The following RANBP2 variants were observed in gnomAD, a reference collection of about 807,000 sequenced individuals.
RANBP2 encodes the protein E3 SUMO-protein ligase RanBP2.
In RANBP2, 57 loss-of-function variants were observed where a neutral mutation model predicts 303.6. The ratio of observed to expected loss-of-function variants is 0.19; its 90% CI spans 0.15 to 0.23. The LOEUF is 0.23. Among genes scored for constraint, RANBP2 ranks in the 10% least tolerant of loss-of-function variants. RANBP2 has a pLI of 1.00. For missense variants in RANBP2, 3,138 were observed against 3,780.8 expected (o/e 0.83, Z 4.46); for synonymous variants, 1,167 against 1,301.5 (o/e 0.90, Z 2.23).
At chr2:108,973,016 C>T in the RANBP2 span, among the ~76,000 whole-genome samples, 5 of 151,510 alleles carry the variant, frequency 3.3e-5, no homozygotes, top group African/African-American at 1.2e-4. Flanking sequence ...GATGGAGTTT[C>T]ACTCTTGTCA....
the RANBP2 span, among the ~76,000 whole-genome samples, chr2:109,357,154 A>G: frequency 4.0e-5 from 6 of 151,138 alleles, no homozygotes; most frequent in South Asian, 8.3e-4. Context: ...CTTGATGATT[A>G]TCACAAACAA....
At chr2:109,024,028 C>T in the RANBP2 span, among the ~76,000 whole-genome samples, 2 of 152,112 alleles carry the variant, frequency 1.3e-5, no homozygotes, top group Non-Finnish European at 2.9e-5. Flanking sequence ...CGGGTTGAAG[C>T]GATTCTCCTG....
the RANBP2 span, among the ~76,000 whole-genome samples, chr2:109,123,322 C>A: frequency 1.5e-4 from 2 of 13,042 alleles, no homozygotes; most frequent in African/African-American, 2.4e-4. Flanking sequence ...TTCTTTCTTT[C>A]CTTCCTTCCT....
At chr2:109,045,343 G>A in the RANBP2 span, among the ~76,000 whole-genome samples, 1 of 152,178 alleles carries the variant, frequency 6.6e-6, no homozygotes, top group African/African-American at 2.4e-5. Context: ...ATTATATCTT[G>A]CAAATAATAC....
the RANBP2 span, among the ~76,000 whole-genome samples, chr2:109,512,186 G>C: frequency 3.9e-5 from 6 of 152,142 alleles, no homozygotes; most frequent in Non-Finnish European, 8.8e-5. Flanking sequence ...CTCTGGCCTG[G>C]GACCCTGGCC....
chr2:108,957,728 G>T, the RANBP2 span, among the ~76,000 whole-genome samples: 1 of 152,242 alleles, frequency 6.6e-6, no homozygotes, highest in African/African-American at 2.4e-5. Context: ...GTGGAGGTGA[G>T]AAGCCTCACA....
At chr2:109,279,718 C>A in the RANBP2 span, among the ~76,000 whole-genome samples, 1 of 151,232 alleles carries the variant, frequency 6.6e-6, no homozygotes, top group African/African-American at 2.4e-5. Flanking sequence ...GCTTGCGTTT[C>A]TTTTGAAATT....
the RANBP2 span, among the ~76,000 whole-genome samples, chr2:109,610,386 C>G: frequency 2.0e-5 from 3 of 152,094 alleles, no homozygotes; most frequent in African/African-American, 7.2e-5. Flanking sequence ...CTGCGCCCAG[C>G]CACTTCCCTG....
At chr2:109,486,229 T>C in the RANBP2 span, among the ~76,000 whole-genome samples, 2 of 152,222 alleles carry the variant, frequency 1.3e-5, no homozygotes, top group Non-Finnish European at 2.9e-5. Flanking sequence ...CTTCCTATGT[T>C]CTGTATCAGA....
the RANBP2 span, among the ~76,000 whole-genome samples, chr2:109,211,420 C>T: frequency 2.0e-5 from 3 of 152,260 alleles, no homozygotes; most frequent in Admixed American, 6.5e-5. Context: ...GAAGCCCTGG[C>T]GAGGTAAGAA....
At chr2:108,894,977 A>G in the RANBP2 span, 12 of 152,206 alleles carry the variant, frequency 7.9e-5, no homozygotes, top group African/African-American at 2.9e-4. Context: ...TGGCACACTC[A>G]TCACAAGTGA....
At chr2:109,696,174 T>C in the RANBP2 span, among the ~76,000 whole-genome samples, 1 of 152,034 alleles carries the variant, frequency 6.6e-6, no homozygotes, top group African/African-American at 2.4e-5. Flanking sequence ...CATGTTGGCC[T>C]GGCTGGTCTC....
the RANBP2 span, among the ~76,000 whole-genome samples, chr2:109,601,004 C>A: frequency 6.6e-6 from 1 of 152,342 alleles, no homozygotes; most frequent in South Asian, 2.1e-4. Context: ...GGAGGGTATG[C>A]CACCCTCCCA....
the RANBP2 span, among the ~76,000 whole-genome samples, chr2:109,165,569 CA>C: frequency 6.6e-6 from 1 of 152,150 alleles, no homozygotes; most frequent in African/African-American, 2.4e-5. Context: ...ACTGTGTGGC[CA>C]GCAAAACCCA....
the RANBP2 span, among the ~76,000 whole-genome samples, chr2:108,997,765 C>G: frequency 6.6e-6 from 1 of 152,080 alleles, no homozygotes; most frequent in Non-Finnish European, 1.5e-5. Context: ...GTGGCAGGCT[C>G]CTGTAATCCC....
chr2:109,067,195 T>C, the RANBP2 span, among the ~76,000 whole-genome samples: 1 of 152,150 alleles, frequency 6.6e-6, no homozygotes, highest in Non-Finnish European at 1.5e-5. Flanking sequence ...GCAGGCCTAG[T>C]GAGGCCTGGT....
At chr2:109,269,125 G>A in the RANBP2 span, among the ~76,000 whole-genome samples, 1 of 152,196 alleles carries the variant, frequency 6.6e-6, no homozygotes, top group Non-Finnish European at 1.5e-5. Flanking sequence ...TGTGCTGAGT[G>A]GCATTGGAAG....
chr2:108,980,204 C>G, the RANBP2 span, among the ~76,000 whole-genome samples: 3 of 152,170 alleles, frequency 2.0e-5, no homozygotes, highest in African/African-American at 7.2e-5. Flanking sequence ...TGTTCTTTAA[C>G]CCCAGCTCAT....
At chr2:109,682,301 T>C in the RANBP2 span, among the ~76,000 whole-genome samples, 4 of 152,212 alleles carry the variant, frequency 2.6e-5, no homozygotes, top group African/African-American at 9.6e-5. Flanking sequence ...AATGTTTTAG[T>C]ATAAGTATTT....
Sources: allele counts gnomAD v4.1 joint callset (sites outside exome capture counted in the v4.1 genomes callset), GRCh38; gene constraint gnomAD v4.1.1; transcripts MANE v1.5; gene names NCBI Gene and HGNC (gene_info 2026-07-23, HGNC 2026-07-21).